ELOC: variants seen among roughly 807,000 people sequenced by gnomAD.
The protein encoded by ELOC is elongin-C.
For missense variants in ELOC, 38 were observed against 139.0 expected, an observed-to-expected ratio of 0.27 and a Z score of 3.65; for synonymous variants, 40 against 51.3, an observed-to-expected ratio of 0.78 and a Z score of 0.94.
At chr8:73,971,144 G>A (rs963066673) in intron 1 of ELOC, among the ~76,000 whole-genome samples, 3 of 151,958 alleles carry the variant, frequency 2.0e-5, no homozygotes, top group African/African-American at 4.8e-5. Context: ...GGTGGCTCAC[G>A]CCTGTAACCC....
In ELOC at chr8:73,960,019, T is replaced by C. The variant is rs117349293; in HGVS notation, c.-50-201A>G. On this transcript the variant is annotated intron_variant, in intron 1 of 3. Transcript: ENST00000520242. The stretch of plus-strand genomic sequence containing the variant: ...CAAAATGCTTTGTGAGCTTGATCAG[T>C]TGGCACTTCTGAATCAGAGAAAGAT... Among the ~76,000 whole-genome samples, 441 of 152,322 alleles carry C rather than the reference T, an allele frequency of 2.9e-3. 6 individuals carry two copies. Among genetic ancestry groups the C allele is most frequent in the Non-Finnish European group, 1.9e-3 (127 of 68,034 alleles).
intron 1 of ELOC, among the ~76,000 whole-genome samples, chr8:73,962,686 T>G (rs1185652580): frequency 6.6e-6 from 1 of 152,206 alleles, no homozygotes. Context: ...TTTATCTAAC[T>G]AGCAGTAGCT....
At position 73,968,147 on chromosome 8, in the gene ELOC, ACT is replaced by A. The variant is rs1252873724; in HGVS notation, c.-51+3928_-51+3929del. Among the ~76,000 whole-genome samples, 6 of 152,072 alleles carry A rather than the reference ACT, an allele frequency of 3.9e-5. No homozygotes were observed. In the South Asian group the frequency reaches 8.3e-4, roughly 21 times the overall value. Reference sequence around the variant, plus strand: ...AATCCATCTCCACATCTGAATTTCTACTCTGTTTGACATTTCTATCTTGAGAC... The same window carrying A: ...AATCCATCTCCACATCTGAATTTCTACTGTTTGACATTTCTATCTTGAGAC... On this transcript the variant is annotated intron_variant, in intron 1 of 3. Transcript: ENST00000520242.
chr8:73,947,177 C>T (rs754812160), intron 3 of ELOC, among the ~76,000 whole-genome samples: 31 of 152,034 alleles, frequency 2.0e-4, no homozygotes, highest in South Asian at 6.2e-4. Context: ...TTAGTAGAGA[C>T]GGGGTTTCAC....
Position 73,946,454 on chromosome 8 carries a change from T to C in ELOC, c.*176A>G, listed in dbSNP as rs1184719924. ...TGAAAATGTCCTTAATTTGTTGATG[T>C]AGCAAACAAATTTCAACTTTGATTG... On this transcript the variant is annotated 3_prime_UTR_variant, in exon 4 of 4. Coordinates refer to ENST00000520242, the MANE Select transcript of ELOC (RefSeq NM_005648.4). 1 of 481,654 alleles carries C rather than the reference T, an allele frequency of 2.1e-6. No individual in the cohort carries two copies. The highest frequency in any genetic ancestry group is 1.9e-5 in the African/African-American group (1 of 51,772). 29.8% of individuals were successfully genotyped at this position (481,654 alleles called of 1,614,324 possible). A position where few individuals can be genotyped will look rare whatever the true frequency, so the allele number is the denominator to read the frequency against.
intron 2 of ELOC, among the ~76,000 whole-genome samples, chr8:73,958,612 GT>G (rs1490051331): frequency 1.3e-5 from 2 of 152,144 alleles, no homozygotes; most frequent in Admixed American, 6.6e-5. Context: ...ATTTTTAGCA[GT>G]TTTTGCCAAC....
chr8:73,971,601 C>T (rs975216667), intron 1 of ELOC, among the ~76,000 whole-genome samples: 5 of 151,918 alleles, frequency 3.3e-5, no homozygotes, highest in Admixed American at 3.3e-4. Context: ...TGCACGATAC[C>T]CCCAACTCAT....
chr8:73,965,741 C>A (rs1441552864), intron 1 of ELOC, among the ~76,000 whole-genome samples: 2 of 152,100 alleles, frequency 1.3e-5, no homozygotes, highest in Non-Finnish European at 2.9e-5. Flanking sequence ...TTTATTTTAC[C>A]TTAACTCCAA....
At chr8:73,971,210 A>G (rs1352750430) in intron 1 of ELOC, among the ~76,000 whole-genome samples, 1 of 152,154 alleles carries the variant, frequency 6.6e-6, no homozygotes. Context: ...GTTCCAGACC[A>G]GCCTGGCCAA....
At chr8:73,952,829 A>G (rs935379190) in intron 3 of ELOC, among the ~76,000 whole-genome samples, 2 of 152,034 alleles carry the variant, frequency 1.3e-5, no homozygotes, top group African/African-American at 4.8e-5. Flanking sequence ...TGTATCTGAT[A>G]AGGGTCTACT....
At chr8:73,969,173 C>A (rs1411176328) in intron 1 of ELOC, among the ~76,000 whole-genome samples, 2 of 152,208 alleles carry the variant, frequency 1.3e-5, no homozygotes, top group Admixed American at 6.5e-5. Flanking sequence ...TTATCGAACT[C>A]AGTAAGTCCC....
chr8:73,960,234 T>C (rs1166574265), intron 1 of ELOC, among the ~76,000 whole-genome samples: 1 of 152,184 alleles, frequency 6.6e-6, no homozygotes, highest in Non-Finnish European at 1.5e-5. Context: ...CAGAGGTCCT[T>C]TATTCTTTTT....
chr8:73,970,472 G>A (rs766773999), intron 1 of ELOC: 1 of 152,104 alleles, frequency 6.6e-6, no homozygotes, highest in Non-Finnish European at 1.5e-5. Context: ...TTGAATGGTA[G>A]TTATCAAATT....
intron 2 of ELOC, 33 bp downstream of exon 2, chr8:73,959,732 G>C: frequency 6.5e-7 from 1 of 1,530,080 alleles, no homozygotes; most frequent in Non-Finnish European, 8.8e-7. Context: ...GTTTCTACTA[G>C]TTAAAACACA....
chr8:73,970,879 A>C (rs531267074), intron 1 of ELOC, among the ~76,000 whole-genome samples: 9,147 of 148,744 alleles, frequency 0.061, 439 homozygotes, highest in Admixed American at 0.15. Context: ...CAAAAAAAAA[A>C]CAAAATTAGC....
intron 3 of ELOC, among the ~76,000 whole-genome samples, chr8:73,949,940 C>T (rs1813633477): frequency 6.6e-6 from 1 of 151,992 alleles, no homozygotes; most frequent in Non-Finnish European, 1.5e-5. Context: ...CTTGCATTGT[C>T]CTGTGGAAAA....
chr8:73,952,649 C>T (rs1375238895), intron 3 of ELOC, among the ~76,000 whole-genome samples: 3 of 150,432 alleles, frequency 2.0e-5, no homozygotes, highest in South Asian at 2.1e-4. Flanking sequence ...GGTGTGGTGG[C>T]GGGCGCCTGT....
chr8:73,968,382 G>A (rs1305090215), intron 1 of ELOC, among the ~76,000 whole-genome samples: 1 of 152,136 alleles, frequency 6.6e-6, no homozygotes, highest in Non-Finnish European at 1.5e-5. Flanking sequence ...GGGCTGCAGA[G>A]CGCTGCATGT....
chr8:73,964,152 C>T (rs1026516633), intron 1 of ELOC, among the ~76,000 whole-genome samples: 29 of 127,966 alleles, frequency 2.3e-4, no homozygotes, highest in African/African-American at 7.8e-4. Flanking sequence ...CAGGTAATCA[C>T]AGTATGTTAA....
Sources: allele counts gnomAD v4.1 joint callset (sites outside exome capture counted in the v4.1 genomes callset), GRCh38; gene constraint gnomAD v4.1.1; transcripts MANE v1.5; gene names NCBI Gene and HGNC (gene_info 2026-07-23, HGNC 2026-07-21).